Variants in OGDH observed in about 807,000 individuals in gnomAD.
OGDH encodes the protein 2-oxoglutarate dehydrogenase complex component E1.
In OGDH, 38 loss-of-function variants were observed where a neutral mutation model predicts 116.6. The ratio of observed to expected loss-of-function variants is 0.33; its 90% CI spans 0.25 to 0.43. The LOEUF is 0.43. Among genes scored for constraint, OGDH ranks in the 20% least tolerant of loss-of-function variants. The pLI, the probability that OGDH is intolerant of heterozygous loss-of-function variation, is 1.00. For missense variants in OGDH, 825 were observed against 1,357.2 expected, an observed-to-expected ratio of 0.61 and a Z score of 6.16; for synonymous variants, 488 against 533.3, an observed-to-expected ratio of 0.92 and a Z score of 1.17.
At chr7:44,628,714 T>C (rs2117319443) in intron 2 of OGDH, among the ~76,000 whole-genome samples, 1 of 152,262 alleles carries the variant, frequency 6.6e-6, no homozygotes, top group East Asian at 1.9e-4. Context: ...CCTCCCAAAG[T>C]GCTGGGATTA....
chr7:44,623,928 G>A (rs1389889053), intron 1 of OGDH, among the ~76,000 whole-genome samples: 1 of 152,198 alleles, frequency 6.6e-6, no homozygotes, highest in Non-Finnish European at 1.5e-5. Flanking sequence ...ACAGGTGTGA[G>A]CCACCGAGTC....
intron 1 of OGDH, among the ~76,000 whole-genome samples, chr7:44,617,964 C>T (rs2117258242): frequency 6.6e-6 from 1 of 152,234 alleles, no homozygotes; most frequent in South Asian, 2.1e-4. Flanking sequence ...AGGGTACCTC[C>T]TACCCAACTG....
intron 2 of OGDH, among the ~76,000 whole-genome samples, chr7:44,629,298 G>A (rs546698864): frequency 2.0e-5 from 3 of 152,210 alleles, no homozygotes; most frequent in Non-Finnish European, 4.4e-5. Context: ...TTCTGGCCCT[G>A]CTGAGGAAGA....
At chr7:44,612,887 T>C (rs538347870) in intron 1 of OGDH, among the ~76,000 whole-genome samples, 28 of 150,710 alleles carry the variant, frequency 1.9e-4, no homozygotes, top group Non-Finnish European at 4.1e-4. Context: ...TTTCTTTTCT[T>C]TTCTTTTTTT....
intron 2 of OGDH, among the ~76,000 whole-genome samples, chr7:44,634,280 C>G (rs920368735): frequency 1.3e-5 from 2 of 152,222 alleles, no homozygotes; most frequent in Non-Finnish European, 2.9e-5. Context: ...AGACCGTACA[C>G]TGCTACTCCC....
At chr7:44,635,080 C>T (rs538485478) in intron 2 of OGDH, among the ~76,000 whole-genome samples, 1 of 152,178 alleles carries the variant, frequency 6.6e-6, no homozygotes, top group East Asian at 1.9e-4. Flanking sequence ...CAGGCCTGCC[C>T]TGTCTTGTGT....
At position 44,694,113 on chromosome 7, in the gene OGDH, C is replaced by T; in HGVS notation, c.1515+109C>T. ...AGGAGCTTGTCTAGATGAGTCACCT[C>T]AGGGCTCTCTACTGCCAGGCCTCAT... On this transcript the variant is annotated intron_variant, in intron 11 of 22. Coordinates refer to ENST00000222673, the MANE Select transcript of OGDH (RefSeq NM_002541.4). The surrounding 1 kb of genome is among the most constrained non-coding windows in gnomAD (Gnocchi z 4.2). The T allele has an allele frequency of 1.6e-6, 2 of 1,221,514 alleles. No homozygotes were observed. The highest frequency in any genetic ancestry group is 3.1e-5 in the South Asian group (2 of 64,498). The allele number at this position is 1,221,514 out of a possible 1,614,324, so 75.7% of individuals were successfully genotyped here. A position where few individuals can be genotyped will look rare whatever the true frequency, so the allele number is the denominator to read the frequency against.
rs1302218942 is a variant in OGDH, at chr7:44,707,260, C to T, written c.2668C>T (p.Pro890Ser). ...CCAGCGGGTGATCCCAGAAGATGGCCCTGCAGCTCAGAACCCAGAAAATGT... is the reference window on the plus strand; with the variant it reads ...CCAGCGGGTGATCCCAGAAGATGGCTCTGCAGCTCAGAACCCAGAAAATGT... ...HFQRVIPEDGPAAQNPENVKR... is the reference protein window; with the variant it reads ...HFQRVIPEDGSAAQNPENVKR... Residue 890 changes from proline (P) to serine (S), a missense_variant, in exon 21 of 23, where the codon CCT (proline) becomes TCT (serine). Physicochemically the swap from Pro to Ser is moderately conservative, Grantham distance 74. Around this residue, in one of 7 missense-constraint regions of OGDH, gnomAD observed 212 missense variants for 284.3 expected, o/e 0.75. Coordinates refer to ENST00000222673, the MANE Select transcript of OGDH (RefSeq NM_002541.4). The surrounding 1 kb of genome is among the most constrained non-coding windows in gnomAD (Gnocchi z 5.2). 1.2e-6 allele frequency: 2 copies of T among 1,614,102 alleles called. No homozygotes were observed. Among genetic ancestry groups the T allele is most frequent in the Non-Finnish European group, 1.7e-6 (2 of 1,180,042 alleles).
At chr7:44,632,635 T>C (rs902674806) in intron 2 of OGDH, among the ~76,000 whole-genome samples, 5 of 151,656 alleles carry the variant, frequency 3.3e-5, no homozygotes, top group African/African-American at 1.2e-4. Flanking sequence ...ATTGTTGTTT[T>C]GAGATGGACT....
chr7:44,647,703 A>T lies in OGDH; in HGVS notation c.461A>T (p.Asp154Val), dbSNP rs755942327. 3.1e-6 allele frequency: 5 copies of T among 1,613,322 alleles called. No individual in the cohort carries two copies. The African/African-American group carries it at 5.4e-5, about 17-fold the overall frequency. Residue 154 changes from aspartate to valine, a missense_variant, in exon 4 of 23, where the codon GAT becomes GTT. Asp to Val is a radical substitution (Grantham distance 152). Around this residue, in one of 7 missense-constraint regions of OGDH, gnomAD observed 171 missense variants for 276.8 expected, o/e 0.62. Transcript: ENST00000222673. ...CAGCTGGACCCCCTGGGGATTTTGG[A>T]TGCTGATCTGGACTCCTCCGTGCCC... Reference protein sequence around the residue: ...VAQLDPLGILDADLDSSVPAD... With the variant: ...VAQLDPLGILVADLDSSVPAD...
At chr7:44,622,371 C>T (rs1193043203) in intron 1 of OGDH, among the ~76,000 whole-genome samples, 1 of 152,038 alleles carries the variant, frequency 6.6e-6, no homozygotes, top group African/African-American at 2.4e-5. Context: ...AAGTGAAAAC[C>T]CAGGGGTAAA....
intron 9 of OGDH, among the ~76,000 whole-genome samples, chr7:44,681,036 G>A (rs573541056): frequency 1.3e-5 from 2 of 152,306 alleles, no homozygotes; most frequent in East Asian, 3.9e-4. Context: ...ATAAATTTAG[G>A]AGTAATCGAA....
At chr7:44,656,239 GT>G in intron 4 of OGDH, 1 of 1,408,464 alleles carries the variant, frequency 7.1e-7, no homozygotes, top group Admixed American at 2.0e-5. Context: ...GGGTTTTGGT[GT>G]TTGGGTCTTT....
At chr7:44,631,050 A>G (rs1785418007) in intron 2 of OGDH, among the ~76,000 whole-genome samples, 1 of 152,164 alleles carries the variant, frequency 6.6e-6, no homozygotes, top group Admixed American at 6.5e-5. Flanking sequence ...AGTTCCAAAC[A>G]GGCCACTGAC....
chr7:44,698,137 G>A lies in OGDH; in HGVS notation c.2359-55G>A, dbSNP rs193151500. On this transcript the variant is annotated intron_variant, in intron 17 of 22. Coordinates refer to ENST00000222673, the MANE Select transcript of OGDH (RefSeq NM_002541.4). ...TTGGTTGAGGAGGAACAGCAGATGC[G>A]GCAAATGTCAGTACGCAAGAGCTCT... 6.3e-5 allele frequency: 100 copies of A among 1,592,108 alleles called. No homozygotes were observed. In the African/African-American group the frequency reaches 9.0e-4, roughly 14 times the overall value.
chr7:44,699,425 C>CAAAAAAAAA, intron 18 of OGDH, among the ~76,000 whole-genome samples: 1 of 67,718 alleles, frequency 1.5e-5, no homozygotes, highest in Non-Finnish European at 3.4e-5. Context: ...ACTCCTGTCT[C>CAAAAAAAAA]AAAAAAAAAA....
chr7:44,651,775 G>T (rs1444692203), intron 4 of OGDH, among the ~76,000 whole-genome samples: 1 of 151,980 alleles, frequency 6.6e-6, no homozygotes, highest in Non-Finnish European at 1.5e-5. Context: ...TTGCCAGGCT[G>T]ATCTCGTACG....
intron 10 of OGDH, among the ~76,000 whole-genome samples, chr7:44,688,521 C>T (rs1381549582): frequency 2.8e-5 from 4 of 144,158 alleles, no homozygotes; most frequent in Admixed American, 7.0e-5. Flanking sequence ...AGCTCTGCCT[C>T]CCAGGTTCAC....
intron 4 of OGDH, among the ~76,000 whole-genome samples, chr7:44,649,424 A>G (rs1236067429): frequency 6.6e-6 from 1 of 151,450 alleles, no homozygotes. Context: ...TAATTTTTGT[A>G]TTTTTAGTAG....
Sources: allele counts gnomAD v4.1 joint callset (sites outside exome capture counted in the v4.1 genomes callset), GRCh38; gene constraint gnomAD v4.1.1; regional missense constraint gnomAD v4.1.1; non-coding constraint Gnocchi (gnomAD v3.1); transcripts MANE v1.5; gene names NCBI Gene and HGNC (gene_info 2026-07-23, HGNC 2026-07-21).